The following ZHX2 variants were observed in gnomAD, a reference collection of about 807,000 sequenced individuals.
The protein encoded by ZHX2 is zinc fingers and homeoboxes protein 2.
A neutral mutation model predicts 21.9 loss-of-function variants in ZHX2; 6 were observed. The observed-to-expected ratio is 0.27, with a 90% CI of 0.15 to 0.54. The LOEUF is 0.54. ZHX2 is among the 20% of genes least tolerant of loss of function. The probability of loss-of-function intolerance (pLI) is 0.95; values close to 1 mark genes in which losing one functional copy is unlikely to be tolerated. For synonymous variants in ZHX2, 434 were observed against 437.1 expected (o/e 0.99, Z 0.09); for missense variants, 908 against 1,090.7 (o/e 0.83, Z 2.36).
At chr8:122,970,614 T>G (rs995073375) in intron 3 of ZHX2, among the ~76,000 whole-genome samples, 3 of 152,182 alleles carry the variant, frequency 2.0e-5, no homozygotes, top group Admixed American at 1.3e-4. Context: ...TTTAGCCGGG[T>G]TGGGAGAAAG....
intron 2 of ZHX2, among the ~76,000 whole-genome samples, chr8:122,911,391 C>G (rs1283255350): frequency 6.6e-6 from 1 of 152,088 alleles, no homozygotes; most frequent in African/African-American, 2.4e-5. Context: ...ACCCTCTTCC[C>G]CCATCATCAA....
At chr8:122,812,928 G>A (rs1586583587) in intron 1 of ZHX2, among the ~76,000 whole-genome samples, 5 of 152,152 alleles carry the variant, frequency 3.3e-5, no homozygotes, top group Admixed American at 3.3e-4. Context: ...AGGCGCAGTG[G>A]CTCCCGCCTG....
At chr8:122,803,408 G>A (rs1008806166) in intron 1 of ZHX2, among the ~76,000 whole-genome samples, 6 of 152,114 alleles carry the variant, frequency 3.9e-5, no homozygotes, top group East Asian at 1.9e-4. Flanking sequence ...CCACCAAGAC[G>A]CCTTCTCTGA....
At position 122,956,124 on chromosome 8, in the gene ZHX2, C is replaced by T. The variant is rs190142018; in HGVS notation, c.*4+2096C>T. Among the ~76,000 whole-genome samples the T allele has an allele frequency of 1.6e-4, 24 of 152,240 alleles. No homozygotes were observed. The East Asian group carries it at 4.3e-3, about 27-fold the overall frequency. On this transcript the variant is annotated intron_variant, in intron 3 of 3. Transcript: ENST00000314393. ...CCTCCCAAAGTGCTGGGATTACAGG[C>T]GTGAGCCACCACGCCCGACCTCCCA...
At chr8:122,796,590 C>T (rs1817617172) in intron 1 of ZHX2, among the ~76,000 whole-genome samples, 1 of 152,136 alleles carries the variant, frequency 6.6e-6, no homozygotes, top group African/African-American at 2.4e-5. Context: ...AATCTAGTTT[C>T]CTTTTTTTCC....
chr8:122,963,216 T>A (rs1423633349), intron 3 of ZHX2, among the ~76,000 whole-genome samples: 1 of 152,148 alleles, frequency 6.6e-6, no homozygotes. Context: ...TCTAGAAGAG[T>A]TTTTCTGATG....
rs139727089 is a variant in ZHX2 at position 122,952,779 on chromosome 8, C to G, written c.1269C>G (p.Ile423Met). ...CCCCCGAACCCAAGCGTCCACACAT[C>G]GCTCAGGTGCCAGAGCCCCCACCCA... is the stretch of plus-strand genomic sequence containing the variant. Reference protein sequence around the residue: ...QAAPEPKRPHIAQVPEPPPKV... With the variant: ...QAAPEPKRPHMAQVPEPPPKV... The change falls in exon 3 of 4, where the codon ATC becomes ATG. Residue 423 changes from isoleucine (I) to methionine (M), a missense_variant. Ile to Met is a conservative substitution (Grantham distance 10, BLOSUM62 1). Coordinates refer to ENST00000314393, the MANE Select transcript of ZHX2 (RefSeq NM_014943.5). This position sits in a 1 kb window ranked among gnomAD's most constrained non-coding sequence, Gnocchi z 6.9. The G allele has an allele frequency of 1.1e-5, 18 of 1,614,108 alleles. No homozygotes were observed. The East Asian group carries it at 3.3e-4, about 30-fold the overall frequency.
At chr8:122,938,119 G>C (rs1225327123) in intron 2 of ZHX2, among the ~76,000 whole-genome samples, 3 of 150,908 alleles carry the variant, frequency 2.0e-5, no homozygotes, top group Middle Eastern at 3.2e-3. Context: ...ATTTTTAGTA[G>C]AGACAGGGTT....
At chr8:122,814,668 G>A (rs1319541900) in intron 1 of ZHX2, among the ~76,000 whole-genome samples, 1 of 152,244 alleles carries the variant, frequency 6.6e-6, no homozygotes, top group Non-Finnish European at 1.5e-5. Flanking sequence ...GCCCTGAGCA[G>A]GTTCTTCTCT....
At chr8:122,871,282 T>C (rs573022931) in intron 2 of ZHX2, among the ~76,000 whole-genome samples, 1 of 151,998 alleles carries the variant, frequency 6.6e-6, no homozygotes, top group South Asian at 2.1e-4. Context: ...CCAACCCAAA[T>C]GTCCATCAAT....
At chr8:122,781,030 C>G (rs1817267958), upstream of ZHX2, 1 of 152,218 alleles carries the variant, frequency 6.6e-6, no homozygotes, top group Admixed American at 6.5e-5. The surrounding 1 kb of genome is among the most constrained non-coding windows in gnomAD (Gnocchi z 4.6). Flanking sequence ...CTACGCCGAG[C>G]CTTCTCATTA....
chr8:122,944,691 A>G (rs909926874), intron 2 of ZHX2, among the ~76,000 whole-genome samples: 2 of 152,120 alleles, frequency 1.3e-5, no homozygotes, highest in Non-Finnish European at 2.9e-5. Context: ...TGGCACCACT[A>G]GGTGCTCTGT....
At chr8:122,966,897 G>T (rs1468453404) in intron 3 of ZHX2, among the ~76,000 whole-genome samples, 1 of 152,042 alleles carries the variant, frequency 6.6e-6, no homozygotes, top group African/African-American at 2.4e-5. Context: ...CAAAAGCCTT[G>T]TCTTCAAGCT....
chr8:122,974,302 C>T lies in ZHX2; in HGVS notation c.*1065C>T, dbSNP rs1403429682. 2 of 152,178 alleles carry T rather than the reference C, an allele frequency of 1.3e-5. No homozygotes were observed. Among genetic ancestry groups the T allele is most frequent in the Non-Finnish European group, 2.9e-5 (2 of 67,966 alleles). The allele number at this position is 152,178 out of a possible 1,614,324, so 9.4% of individuals were successfully genotyped here. A position where few individuals can be genotyped will look rare whatever the true frequency, so the allele number is the denominator to read the frequency against. On this transcript the variant is annotated 3_prime_UTR_variant, in exon 4 of 4. Coordinates refer to ENST00000314393, the MANE Select transcript of ZHX2 (RefSeq NM_014943.5). ...CCTGAGTGCACTTTTTCAGTTAGTC[C>T]TAACTTTTAAAAGAAGGAAAACCAA...
At chr8:122,909,346 T>C (rs373193946) in intron 2 of ZHX2, among the ~76,000 whole-genome samples, 1 of 150,834 alleles carries the variant, frequency 6.6e-6, no homozygotes, top group Non-Finnish European at 1.5e-5. Flanking sequence ...GGCAGGAGAA[T>C]GGCTTGAACC....
intron 1 of ZHX2, among the ~76,000 whole-genome samples, chr8:122,799,960 C>T (rs756211333): frequency 6.6e-5 from 10 of 152,020 alleles, no homozygotes; most frequent in Non-Finnish European, 1.3e-4. Flanking sequence ...ACCTCCCAAA[C>T]GATTCTCCTG....
chr8:122,957,255 T>C (rs1035890425), intron 3 of ZHX2, among the ~76,000 whole-genome samples: 1 of 139,966 alleles, frequency 7.1e-6, no homozygotes. Context: ...TCTCCATTTC[T>C]AGTATACCCC....
At chr8:122,917,403 C>T (rs933969764) in intron 2 of ZHX2, among the ~76,000 whole-genome samples, 1 of 152,072 alleles carries the variant, frequency 6.6e-6, no homozygotes, top group Non-Finnish European at 1.5e-5. Flanking sequence ...CCCACCACAC[C>T]CAAGCCCACA....
At chr8:122,903,894 A>G (rs1280362451) in intron 2 of ZHX2, among the ~76,000 whole-genome samples, 2 of 152,154 alleles carry the variant, frequency 1.3e-5, no homozygotes, top group Non-Finnish European at 2.9e-5. Flanking sequence ...CACCACTTCC[A>G]AGAAAATGGA....
Sources: gnomAD v4.1 joint callset for allele counts (sites outside exome capture counted in the v4.1 genomes callset) on GRCh38, gnomAD v4.1.1 for gene constraint, Gnocchi (gnomAD v3.1) non-coding constraint, MANE v1.5 for transcripts, NCBI Gene and HGNC (gene_info 2026-07-23, HGNC 2026-07-21) for gene names.